The following DLEC1 variants were observed in gnomAD, a reference collection of about 807,000 sequenced individuals.
DLEC1 encodes deleted in lung and esophageal cancer protein 1.
Under a neutral mutation model 198.1 loss-of-function variants are expected in DLEC1, and 146 were observed. That is an observed-to-expected ratio of 0.74 (90% CI 0.64 to 0.85). The LOEUF is 0.85. DLEC1 is among the 40% of genes least tolerant of loss of function. The probability of loss-of-function intolerance (pLI) is 0.00; values close to 1 mark genes in which losing one functional copy is unlikely to be tolerated. For synonymous variants in DLEC1, 897 were observed against 866.8 expected, an observed-to-expected ratio of 1.03 and a Z score of -0.61; for missense variants, 2,233 against 2,220.0, an observed-to-expected ratio of 1.01 and a Z score of -0.12.
chr3:38,095,320 G>A, intron 13 of DLEC1: 1 of 534,230 alleles, frequency 1.9e-6, no homozygotes, highest in South Asian at 2.3e-5. Context: ...CCTCCGCTCT[G>A]GGTGTCTCCC....
intron 2 of DLEC1, among the ~76,000 whole-genome samples, chr3:38,057,017 G>T (rs575469342): frequency 4.0e-4 from 61 of 152,302 alleles, no homozygotes; most frequent in African/African-American, 1.5e-3. Flanking sequence ...CTTTTTGTGG[G>T]CCTCCTTGGT....
intron 6 of DLEC1, among the ~76,000 whole-genome samples, chr3:38,071,118 G>C (rs975238681): frequency 6.6e-6 from 1 of 152,180 alleles, no homozygotes; most frequent in Non-Finnish European, 1.5e-5. Context: ...GGGAGATCTT[G>C]TGGTAAGTGG....
At chr3:38,042,671 T>C (rs1313532135) in intron 1 of DLEC1, among the ~76,000 whole-genome samples, 1 of 149,366 alleles carries the variant, frequency 6.7e-6, no homozygotes, top group East Asian at 2.1e-4. Flanking sequence ...TTCTCCTGCC[T>C]CAGCCTCCCA....
chr3:38,068,272 C>T (rs1288820133), intron 6 of DLEC1, among the ~76,000 whole-genome samples: 1 of 152,012 alleles, frequency 6.6e-6, no homozygotes, highest in East Asian at 1.9e-4. Flanking sequence ...CTCTGTCGCC[C>T]AGGCTGGAGT....
rs145839001 is a variant in DLEC1 at position 38,116,540 on chromosome 3, C to T, written c.3944C>T (p.Pro1315Leu). The change falls in exon 28 of 37, where the codon CCG (proline) becomes CTG (leucine). Residue 1315 changes from proline to leucine, a missense_variant. Pro to Leu is a moderately conservative substitution (Grantham distance 98, BLOSUM62 -3). Coordinates refer to ENST00000308059, the MANE Select transcript of DLEC1 (RefSeq NM_007335.4). ...ELLVFYGPPFPLRDQAGNELV... is the reference protein window; with the variant it reads ...ELLVFYGPPFLLRDQAGNELV... ...CTGGTGTTTTATGGGCCACCTTTCC[C>T]GCTGCGGGACCAAGCCGGGAATGAG... is the stretch of plus-strand genomic sequence containing the variant. 4.0e-5 allele frequency: 65 copies of T among 1,613,996 alleles called. No individual in the cohort carries two copies. Among genetic ancestry groups the T allele is most frequent in the South Asian group, 1.2e-4 (11 of 91,084 alleles).
intron 6 of DLEC1, among the ~76,000 whole-genome samples, chr3:38,064,740 G>GAT (rs1696913681): frequency 1.3e-5 from 2 of 151,614 alleles, no homozygotes; most frequent in Admixed American, 1.3e-4. Flanking sequence ...CATCTCAGAC[G>GAT]GGGCGGCGGG....
At chr3:38,066,971 T>C (rs1350638047) in intron 6 of DLEC1, among the ~76,000 whole-genome samples, 1 of 152,204 alleles carries the variant, frequency 6.6e-6, no homozygotes, top group Non-Finnish European at 1.5e-5. Context: ...TAAAATCATG[T>C]CAGTTAGGGA....
chr3:38,072,384 C>T (rs1697368767), intron 6 of DLEC1, among the ~76,000 whole-genome samples: 1 of 152,206 alleles, frequency 6.6e-6, no homozygotes. Context: ...TGCACGGAGA[C>T]ATGATGGCCA....
intron 19 of DLEC1, among the ~76,000 whole-genome samples, chr3:38,102,471 C>T (rs2125708060): frequency 6.6e-6 from 1 of 152,308 alleles, no homozygotes; most frequent in South Asian, 2.1e-4. Context: ...CTCTCAGATT[C>T]CCCCAAGAAA....
chr3:38,117,207 G>A lies in DLEC1; in HGVS notation c.4306-1G>A. 6.2e-7 allele frequency: 1 copy of A among 1,614,162 alleles called. No individual in the cohort carries two copies. Among genetic ancestry groups the A allele is most frequent in the Non-Finnish European group, 8.5e-7 (1 of 1,179,996 alleles). ...GCTGTGATCAGACTTGGGCTCAGTA[G>A]GTGGAAAGGGAGATTCCAGGGAAGA... On this transcript the variant is annotated splice_acceptor_variant, in intron 30 of 36. Coordinates refer to ENST00000308059, the MANE Select transcript of DLEC1 (RefSeq NM_007335.4). LOFTEE classifies it high-confidence loss of function.
intron 24 of DLEC1, 125 bp downstream of exon 24, chr3:38,111,872 G>C: frequency 9.2e-7 from 1 of 1,092,892 alleles, no homozygotes; most frequent in Non-Finnish European, 1.3e-6. Context: ...AGATGGCCAA[G>C]GCGCTCCACC....
intron 19 of DLEC1, among the ~76,000 whole-genome samples, chr3:38,105,104 A>G (rs572625335): frequency 7.2e-5 from 11 of 152,094 alleles, no homozygotes; most frequent in African/African-American, 2.7e-4. Context: ...TTGTTTCACA[A>G]ATTTCTTTCT....
chr3:38,070,532 T>G (rs1697257740), intron 6 of DLEC1, among the ~76,000 whole-genome samples: 1 of 152,216 alleles, frequency 6.6e-6, no homozygotes, highest in Non-Finnish European at 1.5e-5. Flanking sequence ...CTAAACAAGC[T>G]TTGTGTGAGC....
intron 4 of DLEC1, 94 bp downstream of exon 4, chr3:38,062,462 C>A: frequency 6.4e-7 from 1 of 1,574,470 alleles, no homozygotes; most frequent in Non-Finnish European, 8.7e-7. Flanking sequence ...TGTGATGAAT[C>A]CATCGCAAAA....
At chr3:38,075,220 A>G (rs919955801) in intron 6 of DLEC1, among the ~76,000 whole-genome samples, 1 of 152,132 alleles carries the variant, frequency 6.6e-6, no homozygotes, top group Non-Finnish European at 1.5e-5. Context: ...GAGGAATCGC[A>G]TTGGGAACAG....
chr3:38,097,375 G>C, intron 16 of DLEC1, 100 bp downstream of exon 16: 2 of 1,544,722 alleles, frequency 1.3e-6, no homozygotes. Context: ...TTGGTGTCCT[G>C]TGACTGCTCT....
rs1392716479 is a variant in DLEC1 at position 38,123,773 on chromosome 3, C to G, written c.*1361C>G. ...ATCCCAACACTTTGGGAGGCCGAGG[C>G]GGGAGGATCACGAGGTCAGGAGTTC... On this transcript the variant is annotated 3_prime_UTR_variant, in exon 37 of 37. Coordinates refer to ENST00000308059, the MANE Select transcript of DLEC1 (RefSeq NM_007335.4). 1.3e-5 allele frequency: 2 copies of G among 152,020 alleles called. No individual in the cohort carries two copies. Among genetic ancestry groups the G allele is most frequent in the African/African-American group, 4.8e-5 (2 of 41,384 alleles). The allele number at this position is 152,020 out of a possible 1,614,324, so 9.4% of individuals were successfully genotyped here.
At position 38,116,904 on chromosome 3, in the gene DLEC1, G is replaced by C. The variant is rs770596907; in HGVS notation, c.4179+15G>C. The C allele has an allele frequency of 3.5e-5, 56 of 1,612,358 alleles. No individual in the cohort carries two copies. The highest frequency in any genetic ancestry group is 4.7e-5 in the Non-Finnish European group (55 of 1,179,182). On this transcript the variant is annotated intron_variant, in intron 29 of 36. Transcript: ENST00000308059. ...CCAAGCAGGTGGTGAGTTGGGGTATGGGCTGGGAGCTGTCTGCATTGGCCG... is the reference window on the plus strand; with the variant it reads ...CCAAGCAGGTGGTGAGTTGGGGTATCGGCTGGGAGCTGTCTGCATTGGCCG...
chr3:38,100,282 G>A lies in DLEC1; in HGVS notation c.2725-4G>A. ...CTCATCCTCCTGAGTGTTCTCCGGGGCAGGTGTCTCCCTTCGACATTGAGC... is the reference window on the plus strand; with the variant it reads ...CTCATCCTCCTGAGTGTTCTCCGGGACAGGTGTCTCCCTTCGACATTGAGC... On this transcript the variant is annotated splice_region_variant and splice_polypyrimidine_tract_variant and intron_variant, in intron 18 of 36. Coordinates refer to ENST00000308059, the MANE Select transcript of DLEC1 (RefSeq NM_007335.4). 6.2e-7 allele frequency: 1 copy of A among 1,607,032 alleles called. No individual in the cohort carries two copies. The highest frequency in any genetic ancestry group is 8.5e-7 in the Non-Finnish European group (1 of 1,177,222).
Sources: gnomAD v4.1 joint callset for allele counts (sites outside exome capture counted in the v4.1 genomes callset) on GRCh38, gnomAD v4.1.1 for gene constraint, MANE v1.5 for transcripts, NCBI Gene and HGNC (gene_info 2026-07-23, HGNC 2026-07-21) for gene names.